TMEM170B: variants seen among roughly 807,000 people sequenced by gnomAD.
TMEM170B encodes the protein transmembrane protein 170B.
TMEM170B carries 6 observed loss-of-function variants against 13.0 expected under a neutral mutation model. The observed-to-expected ratio is 0.46, with a 90% CI of 0.25 to 0.91. TMEM170B has a LOEUF of 0.91. Among genes scored for constraint, TMEM170B ranks in the 40% least tolerant of loss-of-function variants. The pLI, the probability that TMEM170B is intolerant of heterozygous loss-of-function variation, is 0.17. For synonymous variants in TMEM170B, 61 were observed against 64.9 expected, an observed-to-expected ratio of 0.94 and a Z score of 0.29; for missense variants, 138 against 165.2, an observed-to-expected ratio of 0.84 and a Z score of 0.90.
At position 11,580,628 on chromosome 6, in the gene TMEM170B, A is replaced by G. The variant is rs1759943469; in HGVS notation, c.*5067A>G. The G allele has an allele frequency of 6.6e-6, 1 of 152,242 alleles. No individual in the cohort carries two copies. Among genetic ancestry groups the G allele is most frequent in the African/African-American group, 2.4e-5 (1 of 41,456 alleles). 9.4% of individuals were successfully genotyped at this position (152,242 alleles called of 1,614,324 possible). On this transcript the variant is annotated 3_prime_UTR_variant, in exon 3 of 3. Transcript: ENST00000379426. Reference sequence around the variant, plus strand: ...AACTCTGAATTGTTAAAACGGACCAATAATCAAATGGTTTTATAATCTTTC... The same window carrying G: ...AACTCTGAATTGTTAAAACGGACCAGTAATCAAATGGTTTTATAATCTTTC...
chr6:11,541,219 C>A (rs1350795616), intron 1 of TMEM170B, among the ~76,000 whole-genome samples: 5 of 152,174 alleles, frequency 3.3e-5, no homozygotes. Context: ...CAGGGATTGA[C>A]TTCTCTCTAG....
At chr6:11,541,872 C>T (rs1442865886) in intron 1 of TMEM170B, among the ~76,000 whole-genome samples, 1 of 151,992 alleles carries the variant, frequency 6.6e-6, no homozygotes, top group Non-Finnish European at 1.5e-5. Flanking sequence ...AATAGGGAAA[C>T]CCGAGGAGAG....
chr6:11,577,619 G>A lies in TMEM170B; in HGVS notation c.*2058G>A, dbSNP rs1393109799. The A allele has an allele frequency of 6.6e-6, 1 of 152,004 alleles. No homozygotes were observed. The highest frequency in any genetic ancestry group is 1.5e-5 in the Non-Finnish European group (1 of 67,918). The allele number at this position is 152,004 out of a possible 1,614,324, so 9.4% of individuals were successfully genotyped here. On this transcript the variant is annotated 3_prime_UTR_variant, in exon 3 of 3. Coordinates refer to ENST00000379426, the MANE Select transcript of TMEM170B (RefSeq NM_001100829.3). ...AAGAAAGTTATGGTAAAGTAATATG[G>A]AGCATGATTCATAATCCAAAATTAA...
In TMEM170B at chr6:11,578,946, A is replaced by G. The variant is rs1759916779; in HGVS notation, c.*3385A>G. ...TGCCACTCATACAGCAAATAATTCT[A>G]TTTTGTAAACACTTCGTGTGGATCC... On this transcript the variant is annotated 3_prime_UTR_variant, in exon 3 of 3. Coordinates refer to ENST00000379426, the MANE Select transcript of TMEM170B (RefSeq NM_001100829.3). 1 of 152,180 alleles carries G rather than the reference A, an allele frequency of 6.6e-6. No homozygotes were observed. The highest frequency in any genetic ancestry group is 2.4e-5 in the African/African-American group (1 of 41,452). The allele number at this position is 152,180 out of a possible 1,614,324, so 9.4% of individuals were successfully genotyped here. A position where few individuals can be genotyped will look rare whatever the true frequency, so the allele number is the denominator to read the frequency against.
At chr6:11,572,745 C>T (rs974951727) in intron 2 of TMEM170B, among the ~76,000 whole-genome samples, 4 of 151,966 alleles carry the variant, frequency 2.6e-5, no homozygotes, top group African/African-American at 9.7e-5. Flanking sequence ...GGTATGTATC[C>T]GCCAGATATT....
At chr6:11,538,604 G>C (rs551903181) in intron 1 of TMEM170B, among the ~76,000 whole-genome samples, 42 of 152,230 alleles carry the variant, frequency 2.8e-4, no homozygotes, top group Non-Finnish European at 5.3e-4. Flanking sequence ...AGCGACCCCC[G>C]CTCCTGCCCC....
chr6:11,545,781 G>A lies in TMEM170B; in HGVS notation c.97+7407G>A, dbSNP rs949652910. On this transcript the variant is annotated intron_variant, in intron 1 of 2. Coordinates refer to ENST00000379426, the MANE Select transcript of TMEM170B (RefSeq NM_001100829.3). Reference sequence around the variant, plus strand: ...CCAGCACTTTGGGAGGCCGAGGCAGGTGGATCACGAGGTCAGGAGATCGAG... The same window carrying A: ...CCAGCACTTTGGGAGGCCGAGGCAGATGGATCACGAGGTCAGGAGATCGAG... Among the ~76,000 whole-genome samples, 10 of 151,910 alleles carry A rather than the reference G, an allele frequency of 6.6e-5. No individual in the cohort carries two copies. In the South Asian group the frequency reaches 2.1e-3, roughly 32 times the overall value.
intron 2 of TMEM170B, among the ~76,000 whole-genome samples, chr6:11,570,253 G>GT (rs1374774156): frequency 6.6e-6 from 1 of 152,092 alleles, no homozygotes; most frequent in Non-Finnish European, 1.5e-5. Context: ...CCAAACTCCT[G>GT]TTATGGCTAT....
At chr6:11,567,463 T>G (rs960968843) in intron 2 of TMEM170B, among the ~76,000 whole-genome samples, 1 of 152,166 alleles carries the variant, frequency 6.6e-6, no homozygotes, top group African/African-American at 2.4e-5. Context: ...TGCAAGGGAT[T>G]CCCTTCTTTA....
At chr6:11,541,625 A>C (rs1301615191) in intron 1 of TMEM170B, among the ~76,000 whole-genome samples, 2 of 152,210 alleles carry the variant, frequency 1.3e-5, no homozygotes, top group Non-Finnish European at 2.9e-5. Context: ...TGTGTTCACT[A>C]GTGTAACACT....
At chr6:11,547,544 C>G (rs973483151) in intron 1 of TMEM170B, among the ~76,000 whole-genome samples, 2 of 152,054 alleles carry the variant, frequency 1.3e-5, no homozygotes, top group Admixed American at 1.3e-4. Flanking sequence ...AAGTCCTTAC[C>G]CTTGATAGGT....
At chr6:11,561,536 C>CT (rs1759665510) in intron 1 of TMEM170B, among the ~76,000 whole-genome samples, 2 of 152,162 alleles carry the variant, frequency 1.3e-5, no homozygotes, top group African/African-American at 4.8e-5. Context: ...GTGATTGGGC[C>CT]TTAGACTTTA....
chr6:11,543,490 C>G (rs1020390031), intron 1 of TMEM170B, among the ~76,000 whole-genome samples: 3 of 152,130 alleles, frequency 2.0e-5, no homozygotes, highest in Admixed American at 2.0e-4. Context: ...ATCTTTTAGG[C>G]AATCCTGAGA....
chr6:11,541,444 T>A lies in TMEM170B; in HGVS notation c.97+3070T>A, dbSNP rs559696195. Among the ~76,000 whole-genome samples, 11 of 152,340 alleles carry A rather than the reference T, an allele frequency of 7.2e-5. No homozygotes were observed. The South Asian group carries it at 2.3e-3, about 32-fold the overall frequency. Reference sequence around the variant, plus strand: ...ACTGACATCTGCTAGTATCAAACTTTCTTTTGCAGCTTTCTCACATCCCAG... The same window carrying A: ...ACTGACATCTGCTAGTATCAAACTTACTTTTGCAGCTTTCTCACATCCCAG... On this transcript the variant is annotated intron_variant, in intron 1 of 2. Transcript: ENST00000379426.
At chr6:11,547,419 A>C (rs537126980) in intron 1 of TMEM170B, among the ~76,000 whole-genome samples, 4 of 152,260 alleles carry the variant, frequency 2.6e-5, no homozygotes, top group Admixed American at 6.5e-5. Flanking sequence ...AGTAGAAAAA[A>C]TTACTTCAAA....
intron 1 of TMEM170B, among the ~76,000 whole-genome samples, chr6:11,546,501 A>G (rs532807353): frequency 1.8e-4 from 28 of 152,358 alleles, no homozygotes; most frequent in Non-Finnish European, 3.4e-4. Context: ...GTGTACAGTA[A>G]TGTCTGAGGC....
rs1759950086 is a variant in TMEM170B at position 11,581,071 on chromosome 6, G to T, written c.*5510G>T. The T allele has an allele frequency of 6.6e-6, 1 of 152,232 alleles. No homozygotes were observed. The highest frequency in any genetic ancestry group is 2.4e-5 in the African/African-American group (1 of 41,466). The allele number at this position is 152,232 out of a possible 1,614,324, so 9.4% of individuals were successfully genotyped here. ...AATATCTGAAGTATTTTCAGTAAAT[G>T]TGGAGATATATCAGATAATACTTTT... On this transcript the variant is annotated 3_prime_UTR_variant, in exon 3 of 3. Coordinates refer to ENST00000379426, the MANE Select transcript of TMEM170B (RefSeq NM_001100829.3).
At chr6:11,557,974 A>G (rs1759612339) in intron 1 of TMEM170B, among the ~76,000 whole-genome samples, 2 of 152,178 alleles carry the variant, frequency 1.3e-5, no homozygotes, top group South Asian at 2.1e-4. Flanking sequence ...CAGTGGCACA[A>G]TCATAGCTCA....
At chr6:11,542,536 A>G (rs1759376480) in intron 1 of TMEM170B, among the ~76,000 whole-genome samples, 1 of 152,218 alleles carries the variant, frequency 6.6e-6, no homozygotes, top group South Asian at 2.1e-4. Context: ...CTAGGAAATA[A>G]CTACTGTCTG....
Sources: allele counts gnomAD v4.1 joint callset (sites outside exome capture counted in the v4.1 genomes callset), GRCh38; gene constraint gnomAD v4.1.1; transcripts MANE v1.5; gene names NCBI Gene and HGNC (gene_info 2026-07-23, HGNC 2026-07-21).